CEP350: variants seen among roughly 807,000 people sequenced by gnomAD.
CEP350 encodes the protein centrosomal protein 350, also known as centrosome-associated protein 350.
CEP350 carries 126 observed loss-of-function variants against 331.8 expected under a neutral mutation model. The ratio of observed to expected loss-of-function variants is 0.38; its 90% CI spans 0.33 to 0.44. The LOEUF is 0.44. CEP350 is among the 20% of genes least tolerant of loss of function. The pLI is 1.00. For missense variants in CEP350, 3,406 were observed against 3,634.6 expected, an observed-to-expected ratio of 0.94 and a Z score of 1.62; for synonymous variants, 1,200 against 1,259.5, an observed-to-expected ratio of 0.95 and a Z score of 1.00.
chr1:180,049,181 A>G (rs1002199253), intron 22 of CEP350, among the ~76,000 whole-genome samples: 1 of 152,230 alleles, frequency 6.6e-6, no homozygotes, highest in Non-Finnish European at 1.5e-5. Flanking sequence ...GGAGATTTCT[A>G]ACTTTATCTC....
intron 3 of CEP350, among the ~76,000 whole-genome samples, chr1:179,988,237 C>T: frequency 6.7e-6 from 1 of 149,658 alleles, no homozygotes; most frequent in South Asian, 2.1e-4. Context: ...CTCAAGACTG[C>T]AGTGAGCTAT....
intron 7 of CEP350, among the ~76,000 whole-genome samples, chr1:180,006,179 A>G (rs1654240875): frequency 6.6e-6 from 1 of 152,212 alleles, no homozygotes; most frequent in South Asian, 2.1e-4. Flanking sequence ...TGTGAAACTA[A>G]GTAAACTTCT....
Position 180,092,805 on chromosome 1 carries a change from GAATTAA to G in CEP350, c.6702_6707del (p.Glu2234_Asn2236delinsAsp), listed in dbSNP as rs758847670. On this transcript the variant is annotated inframe_deletion, in exon 34 of 38. Coordinates refer to ENST00000367607, the MANE Select transcript of CEP350 (RefSeq NM_014810.5). Reference sequence around the variant, plus strand: ...TGTACCTGCATTACATCTTCTCAAAGAATTAAATGCCACTAGTAGAATTCTTGATAT... The same window carrying G: ...TGTACCTGCATTACATCTTCTCAAAGATGCCACTAGTAGAATTCTTGATAT... 2.7e-5 allele frequency: 43 copies of G among 1,572,286 alleles called. No homozygotes were observed. The highest frequency in any genetic ancestry group is 1.7e-4 in the Middle Eastern group (1 of 6,028).
At position 180,020,378 on chromosome 1, in the gene CEP350, A is replaced by G. The variant is rs1264093223; in HGVS notation, c.2604A>G (p.Gln868=). The part of the protein sequence containing the change: ...NTEYDVQQAP[Q]EDGPWTKAVT... ...AGTATGATGTGCAGCAGGCACCTCA[A>G]GAAGATGGACCTTGGACCAAGGCTG... The change falls in exon 12 of 38, where the codon CAA becomes CAG. Residue 868 remains glutamine (Q), a synonymous_variant. Coordinates refer to ENST00000367607, the MANE Select transcript of CEP350 (RefSeq NM_014810.5). 5 of 1,613,710 alleles carry G rather than the reference A, an allele frequency of 3.1e-6. No homozygotes were observed. The African/African-American group carries it at 5.3e-5, about 17-fold the overall frequency.
intron 33 of CEP350, among the ~76,000 whole-genome samples, chr1:180,091,453 T>TTA (rs1651472364): frequency 6.6e-6 from 1 of 152,074 alleles, no homozygotes; most frequent in East Asian, 1.9e-4. Flanking sequence ...TTTAATCTGG[T>TTA]TATATATATT....
intron 22 of CEP350, among the ~76,000 whole-genome samples, chr1:180,049,927 G>A (rs1191281675): frequency 6.6e-6 from 1 of 152,170 alleles, no homozygotes; most frequent in African/African-American, 2.4e-5. Context: ...ATTGAATTGT[G>A]TTGATTCATG....
rs557988150 is a variant in CEP350, at chr1:180,017,254, C to T, written c.2174+1284C>T. Among the ~76,000 whole-genome samples the T allele has an allele frequency of 6.6e-5, 10 of 152,308 alleles. No individual in the cohort carries two copies. In the South Asian group the frequency reaches 2.1e-3, roughly 32 times the overall value. On this transcript the variant is annotated intron_variant, in intron 11 of 37. Coordinates refer to ENST00000367607, the MANE Select transcript of CEP350 (RefSeq NM_014810.5). ...TGTGCTTTAACTACTCTACATACTA[C>T]TCCCCAAAAGTGAAATGTTTCATAT...
At position 180,111,113 on chromosome 1, in the gene CEP350, T is replaced by A. The variant is rs759393406; in HGVS notation, c.9306T>A (p.Asp3102Glu). 6.2e-6 allele frequency: 10 copies of A among 1,614,020 alleles called. No individual in the cohort carries two copies. Among genetic ancestry groups the A allele is most frequent in the Non-Finnish European group, 7.6e-6 (9 of 1,179,894 alleles). ...AGACCCTGATCAAAGATACTATTGA[T>A]GTTCTGAATCAGATCAGTGAAAAGC... Reference protein sequence around the residue: ...IFETLIKDTIDVLNQISEKQG... With the variant: ...IFETLIKDTIEVLNQISEKQG... Residue 3102 changes from aspartate (D) to glutamate (E), a missense_variant, in exon 38 of 38, where the codon GAT becomes GAA. By Grantham distance (45) the Asp-to-Glu change is conservative. This residue lies in a region of CEP350 where 29 missense variants were observed against 52.8 expected (regional missense o/e 0.55). Coordinates refer to ENST00000367607, the MANE Select transcript of CEP350 (RefSeq NM_014810.5).
At chr1:180,018,162 C>T (rs1202866455) in intron 11 of CEP350, among the ~76,000 whole-genome samples, 4 of 152,044 alleles carry the variant, frequency 2.6e-5, no homozygotes, top group African/African-American at 4.8e-5. Flanking sequence ...TGCACCACCA[C>T]GCCTGGCTAA....
In CEP350 at chr1:180,041,217, A is replaced by G; in HGVS notation, c.4190A>G (p.Gln1397Arg). ...CAAGAGGCTCTGGAGAGTCAGAGAC[A>G]ATTAGAAGAAACCCGAAACAAAGCA... is the stretch of plus-strand genomic sequence containing the variant. ...AEQEALESQR[Q>R]LEETRNKAAQ... Residue 1397 changes from glutamine to arginine, a missense_variant, in exon 18 of 38, where the codon CAA becomes CGA. Gln to Arg is a conservative substitution (Grantham distance 43). Coordinates refer to ENST00000367607, the MANE Select transcript of CEP350 (RefSeq NM_014810.5). The G allele has an allele frequency of 1.9e-6, 3 of 1,594,368 alleles. No homozygotes were observed. The highest frequency in any genetic ancestry group is 1.7e-6 in the Non-Finnish European group (2 of 1,170,376).
intron 12 of CEP350, 122 bp from the exon 13 acceptor site, chr1:180,022,576 G>T: frequency 1.2e-5 from 8 of 692,946 alleles, no homozygotes; most frequent in Non-Finnish European, 1.9e-5. Flanking sequence ...TAGAAAAGAG[G>T]CACTATTAAA....
chr1:180,037,028 A>G lies in CEP350; in HGVS notation c.4049A>G (p.Glu1350Gly). The G allele has an allele frequency of 6.2e-7, 1 of 1,605,158 alleles. No individual in the cohort carries two copies. The highest frequency in any genetic ancestry group is 8.5e-7 in the Non-Finnish European group (1 of 1,175,586). The change falls in exon 17 of 38, where the codon GAA (glutamate) becomes GGA (glycine). Residue 1350 changes from glutamate (E) to glycine (G), a missense_variant. Glu to Gly is a moderately conservative substitution (Grantham distance 98). Coordinates refer to ENST00000367607, the MANE Select transcript of CEP350 (RefSeq NM_014810.5). ...TCGGTGCGCCAACTGTCAGATGTAG[A>G]AAGAGTTAGAGGCATTTCACTTGCT... ...EESVRQLSDV[E>G]RVRGISLAQQ...
chr1:180,110,961 A>C, intron 37 of CEP350, 36 bp from the exon 38 acceptor site: 1 of 1,576,896 alleles, frequency 6.3e-7, no homozygotes, highest in Non-Finnish European at 8.7e-7. Context: ...TTTGTATGAC[A>C]GGAATTTTCT....
rs1655545869 is a variant in CEP350 at position 180,024,579 on chromosome 1, G to A, written c.3547G>A (p.Glu1183Lys). 6.2e-7 allele frequency: 1 copy of A among 1,607,180 alleles called. No homozygotes were observed. Among genetic ancestry groups the A allele is most frequent in the Non-Finnish European group, 8.5e-7 (1 of 1,177,084 alleles). The change falls in exon 14 of 38, where the codon GAA becomes AAA. Residue 1183 changes from glutamate to lysine, a missense_variant. Coordinates refer to ENST00000367607, the MANE Select transcript of CEP350 (RefSeq NM_014810.5). ...KGKKGKKEKT[E>K]WLDSFTGNVQ... ...AAAGAAAGGAAAAAAGGAAAAGACAGAATGTAAGTGGAATTCCACATGGTA... is the reference window on the plus strand; with the variant it reads ...AAAGAAAGGAAAAAAGGAAAAGACAAAATGTAAGTGGAATTCCACATGGTA...
In CEP350 at chr1:180,015,844, C is replaced by T. The variant is rs747718353; in HGVS notation, c.2053-5C>T. Reference sequence around the variant, plus strand: ...TCATATAAATTTGATGTCCTTTTCTCCTAGGCCAAACCAGGGTATCAGCCA... The same window carrying T: ...TCATATAAATTTGATGTCCTTTTCTTCTAGGCCAAACCAGGGTATCAGCCA... On this transcript the variant is annotated splice_polypyrimidine_tract_variant and splice_region_variant and intron_variant, in intron 10 of 37. Coordinates refer to ENST00000367607, the MANE Select transcript of CEP350 (RefSeq NM_014810.5). The T allele has an allele frequency of 6.2e-7, 1 of 1,612,302 alleles. No homozygotes were observed. Among genetic ancestry groups the T allele is most frequent in the Non-Finnish European group, 8.5e-7 (1 of 1,178,990 alleles).
chr1:179,980,488 CAG>C (rs1018742980), intron 1 of CEP350, among the ~76,000 whole-genome samples: 1 of 151,850 alleles, frequency 6.6e-6, no homozygotes, highest in Non-Finnish European at 1.5e-5. Context: ...TGTCTGAAAA[CAG>C]GGACTATTTG....
At position 180,020,539 on chromosome 1, in the gene CEP350, T is replaced by C; in HGVS notation, c.2765T>C (p.Leu922Pro). Residue 922 changes from leucine (L) to proline (P), a missense_variant, in exon 12 of 38, where the codon CTT becomes CCT. Leu to Pro is a moderately conservative substitution (Grantham distance 98, BLOSUM62 -3). This residue lies in a region of CEP350 where 1,857 missense variants were observed against 1,909.2 expected (regional missense o/e 0.97). Transcript: ENST00000367607. ...GVGNLSEFKK[L>P]PEMIRPQSAI... ...GGCAATCTTAGTGAATTTAAAAAGCTTCCTGAGATGATAAGACCACAGAGT... is the reference window on the plus strand; with the variant it reads ...GGCAATCTTAGTGAATTTAAAAAGCCTCCTGAGATGATAAGACCACAGAGT... 2 of 1,613,714 alleles carry C rather than the reference T, an allele frequency of 1.2e-6. No homozygotes were observed. Among genetic ancestry groups the C allele is most frequent in the Non-Finnish European group, 1.7e-6 (2 of 1,179,860 alleles).
intron 1 of CEP350, among the ~76,000 whole-genome samples, chr1:179,974,068 G>A (rs1182716445): frequency 7.0e-6 from 1 of 143,480 alleles, no homozygotes; most frequent in African/African-American, 2.5e-5. Context: ...TGTTGTTGCT[G>A]GTGTTTGTTT....
Position 180,093,253 on chromosome 1 carries a change from C to T in CEP350, c.7148C>T (p.Ser2383Phe). The T allele has an allele frequency of 6.2e-7, 1 of 1,601,440 alleles. No individual in the cohort carries two copies. Among genetic ancestry groups the T allele is most frequent in the Non-Finnish European group, 8.5e-7 (1 of 1,172,970 alleles). Reference protein sequence around the residue: ...IPYSEDFEVSSFKKEISAELY... With the variant: ...IPYSEDFEVSFFKKEISAELY... ...TACTCTGAAGATTTTGAAGTGTCTT[C>T]TTTCAAGAAAGAAATTTCAGCTGAA... The change falls in exon 34 of 38, where the codon TCT becomes TTT. Residue 2383 changes from serine (S) to phenylalanine (F), a missense_variant. Physicochemically the swap from Ser to Phe is radical, Grantham distance 155. Coordinates refer to ENST00000367607, the MANE Select transcript of CEP350 (RefSeq NM_014810.5).
Sources: allele counts gnomAD v4.1 joint callset (sites outside exome capture counted in the v4.1 genomes callset), GRCh38; gene constraint gnomAD v4.1.1; regional missense constraint gnomAD v4.1.1; transcripts MANE v1.5; gene names NCBI Gene and HGNC (gene_info 2026-07-23, HGNC 2026-07-21).